GATAD2B: variants seen among roughly 807,000 people sequenced by gnomAD.
GATAD2B encodes transcriptional repressor p66-beta.
In GATAD2B, 8 loss-of-function variants were observed where a neutral mutation model predicts 64.3. That is an observed-to-expected ratio of 0.12 (90% CI 0.07 to 0.22). The LOEUF is 0.22. Ranked by LOEUF, GATAD2B falls within the 10% of genes least tolerant of loss-of-function variation. The pLI, the probability that GATAD2B is intolerant of heterozygous loss-of-function variation, is 1.00. For missense variants in GATAD2B, 453 were observed against 752.0 expected, an observed-to-expected ratio of 0.60 and a Z score of 4.65; for synonymous variants, 281 against 271.3, an observed-to-expected ratio of 1.04 and a Z score of -0.35.
At chr1:153,875,704 A>G (rs1007878113) in intron 1 of GATAD2B, among the ~76,000 whole-genome samples, 5 of 151,096 alleles carry the variant, frequency 3.3e-5, no homozygotes, top group Non-Finnish European at 7.4e-5. Context: ...AAAAAAAAAA[A>G]AGGTAGCCAC....
intron 1 of GATAD2B, among the ~76,000 whole-genome samples, chr1:153,840,838 G>C (rs1314482901): frequency 6.6e-6 from 1 of 151,996 alleles, no homozygotes; most frequent in East Asian, 1.9e-4. Context: ...TTCAAAGATG[G>C]AGATAGGCCG....
chr1:153,902,245 C>T (rs554478400), intron 1 of GATAD2B, among the ~76,000 whole-genome samples: 5 of 151,914 alleles, frequency 3.3e-5, no homozygotes, highest in South Asian at 2.1e-4. Flanking sequence ...TGCGCCACTG[C>T]GCTCCAGCCT....
intron 1 of GATAD2B, among the ~76,000 whole-genome samples, chr1:153,891,138 C>T (rs1044870778): frequency 2.6e-5 from 4 of 150,950 alleles, no homozygotes; most frequent in East Asian, 1.9e-4. Context: ...GAGCTGAGAT[C>T]GCACCATTGC....
intron 6 of GATAD2B, 56 bp downstream of exon 6, chr1:153,817,316 G>A (rs1674510163): frequency 7.0e-7 from 1 of 1,437,910 alleles, no homozygotes. Flanking sequence ...CTTTCGACAA[G>A]CAAAGCAAAC....
At chr1:153,886,395 A>T (rs1677184865) in intron 1 of GATAD2B, 1 of 152,242 alleles carries the variant, frequency 6.6e-6, no homozygotes, top group Non-Finnish European at 1.5e-5. Flanking sequence ...AAACATAGAA[A>T]ATGTATGGCA....
intron 7 of GATAD2B, 71 bp from the exon 8 acceptor site, chr1:153,813,523 C>A: frequency 9.7e-7 from 1 of 1,030,348 alleles, no homozygotes; most frequent in Non-Finnish European, 1.5e-6. Flanking sequence ...TCAAATAGAT[C>A]TTTTCCAGGA....
intron 9 of GATAD2B, 54 bp downstream of exon 9, chr1:153,811,968 T>C: frequency 7.6e-7 from 1 of 1,324,448 alleles, no homozygotes; most frequent in Non-Finnish European, 1.1e-6. Flanking sequence ...CAAATTGTGA[T>C]AAATGGCTGA....
intron 1 of GATAD2B, among the ~76,000 whole-genome samples, chr1:153,833,643 C>T (rs905715194): frequency 6.6e-6 from 1 of 151,826 alleles, no homozygotes; most frequent in Non-Finnish European, 1.5e-5. Flanking sequence ...GGTGAAACCC[C>T]GTCTCTACTA....
chr1:153,840,442 AT>A (rs1675443747), intron 1 of GATAD2B, among the ~76,000 whole-genome samples: 1 of 151,840 alleles, frequency 6.6e-6, no homozygotes, highest in Admixed American at 6.6e-5. Context: ...GGTTCAAGCA[AT>A]TCTCCTGCCT....
At position 153,805,315 on chromosome 1, in the gene GATAD2B, C is replaced by G. The variant is rs1194045878; in HGVS notation, c.*4862G>C. 6.6e-6 allele frequency: 1 copy of G among 152,088 alleles called. No individual in the cohort carries two copies. Among genetic ancestry groups the G allele is most frequent in the Non-Finnish European group, 1.5e-5 (1 of 68,042 alleles). The allele number at this position is 152,088 out of a possible 1,614,324, so 9.4% of individuals were successfully genotyped here. ...TGTCTGCGCTCTCCTATTTTATCACCAAGATGGGGGAAAAGTTACACATCC... is the reference window on the plus strand; with the variant it reads ...TGTCTGCGCTCTCCTATTTTATCACGAAGATGGGGGAAAAGTTACACATCC... On this transcript the variant is annotated 3_prime_UTR_variant, in exon 11 of 11. Coordinates refer to ENST00000368655, the MANE Select transcript of GATAD2B (RefSeq NM_020699.4).
At chr1:153,856,803 C>T (rs564558422) in intron 1 of GATAD2B, among the ~76,000 whole-genome samples, 7 of 152,080 alleles carry the variant, frequency 4.6e-5, no homozygotes, top group African/African-American at 1.7e-4. Context: ...TTAACTTGAC[C>T]ACTCAGAACT....
chr1:153,879,033 G>A (rs558868292), intron 1 of GATAD2B, among the ~76,000 whole-genome samples: 19 of 151,824 alleles, frequency 1.3e-4, no homozygotes, highest in Middle Eastern at 3.4e-3. Context: ...TCCGCCTCCC[G>A]GGTTCAAGCG....
chr1:153,847,209 C>T (rs1393309076), intron 1 of GATAD2B, among the ~76,000 whole-genome samples: 8 of 152,086 alleles, frequency 5.3e-5, no homozygotes, highest in Non-Finnish European at 1.0e-4. Context: ...TCAAGTGATC[C>T]GCCTGCCTCA....
intron 1 of GATAD2B, among the ~76,000 whole-genome samples, chr1:153,913,723 C>A (rs1203359698): frequency 6.6e-6 from 1 of 151,736 alleles, no homozygotes; most frequent in African/African-American, 2.4e-5. Context: ...TCGAGACCAT[C>A]CTGGCTAACA....
chr1:153,845,943 CG>C (rs528343396), intron 1 of GATAD2B, among the ~76,000 whole-genome samples: 7 of 44,808 alleles, frequency 1.6e-4, no homozygotes, highest in Admixed American at 3.3e-4. Context: ...TATAAACTAC[CG>C]CCCCCCCCCC....
intron 1 of GATAD2B, among the ~76,000 whole-genome samples, chr1:153,846,923 G>C (rs78316097): frequency 6.6e-6 from 1 of 152,014 alleles, no homozygotes; most frequent in Non-Finnish European, 1.5e-5. Flanking sequence ...CTCATTTTTA[G>C]TTCCAACGAA....
At chr1:153,840,433 G>A (rs578224536) in intron 1 of GATAD2B, among the ~76,000 whole-genome samples, 1 of 151,914 alleles carries the variant, frequency 6.6e-6, no homozygotes, top group South Asian at 2.1e-4. Flanking sequence ...CGCCTCCTGG[G>A]TTCAAGCAAT....
intron 8 of GATAD2B, 192 bp from the exon 9 acceptor site, chr1:153,812,324 C>T: frequency 1.9e-6 from 1 of 531,692 alleles, no homozygotes; most frequent in Non-Finnish European, 3.3e-6. Context: ...AATCACTGCA[C>T]CTGGCCCACC....
At chr1:153,841,680 G>T (rs2101902099) in intron 1 of GATAD2B, among the ~76,000 whole-genome samples, 1 of 152,226 alleles carries the variant, frequency 6.6e-6, no homozygotes, top group African/African-American at 2.4e-5. Context: ...ATGTACCATG[G>T]TTTATTTACT....
Sources: allele counts gnomAD v4.1 joint callset (sites outside exome capture counted in the v4.1 genomes callset), GRCh38; gene constraint gnomAD v4.1.1; transcripts MANE v1.5; gene names NCBI Gene and HGNC (gene_info 2026-07-23, HGNC 2026-07-21).